Variants in TIAM2 observed in about 807,000 individuals in gnomAD.
The protein encoded by TIAM2 is rho guanine nucleotide exchange factor TIAM2.
In TIAM2, 80 loss-of-function variants were observed where a neutral mutation model predicts 152.9. The observed-to-expected ratio is 0.52, with a 90% confidence interval of 0.44 to 0.63. The LOEUF is 0.63. Among genes scored for constraint, TIAM2 ranks in the 30% least tolerant of loss-of-function variants. TIAM2 has a pLI of 0.00. For missense variants in TIAM2, 1,965 were observed against 2,120.1 expected, an observed-to-expected ratio of 0.93 and a Z score of 1.44; for synonymous variants, 804 against 838.0, an observed-to-expected ratio of 0.96 and a Z score of 0.70.
chr6:155,030,260 A>C (rs553960443), intron 1 of TIAM2, among the ~76,000 whole-genome samples: 1 of 152,288 alleles, frequency 6.6e-6, no homozygotes, highest in Non-Finnish European at 1.5e-5. Flanking sequence ...AGAGTTGAAC[A>C]TCTTGGAAAG....
chr6:155,114,919 C>G (rs1037578222), intron 2 of TIAM2, among the ~76,000 whole-genome samples: 1 of 152,120 alleles, frequency 6.6e-6, no homozygotes, highest in Non-Finnish European at 1.5e-5. Flanking sequence ...CCTCCGCCTT[C>G]CAGGTTCACG....
At chr6:155,240,413 A>G in intron 15 of TIAM2, 117 bp from the exon 16 acceptor site, 3 of 1,114,632 alleles carry the variant, frequency 2.7e-6, no homozygotes, top group East Asian at 2.5e-5. Flanking sequence ...TGCCCTACAC[A>G]GAGGCCCCTC....
intron 2 of TIAM2, among the ~76,000 whole-genome samples, chr6:155,119,404 A>G (rs1779099931): frequency 6.6e-6 from 1 of 151,514 alleles, no homozygotes; most frequent in South Asian, 2.1e-4. Flanking sequence ...CAGTGATGCA[A>G]TCTCCACTCA....
intron 14 of TIAM2, among the ~76,000 whole-genome samples, chr6:155,210,910 G>C (rs545307039): frequency 6.6e-6 from 1 of 152,270 alleles, no homozygotes; most frequent in African/African-American, 2.4e-5. Context: ...CAGAGCTTAG[G>C]GGAGCATAGT....
chr6:155,242,497 GT>G (rs1262380446), intron 16 of TIAM2, among the ~76,000 whole-genome samples: 1 of 152,178 alleles, frequency 6.6e-6, no homozygotes, highest in Non-Finnish European at 1.5e-5. Context: ...GGTTTTTATG[GT>G]GAAAGCATCC....
intron 1 of TIAM2, among the ~76,000 whole-genome samples, chr6:155,066,585 G>A (rs79270467): frequency 0.027 from 4,074 of 152,244 alleles, 182 homozygotes; most frequent in Admixed American, 0.13. Context: ...TGTCTTTCCT[G>A]TTTGGCTCTG....
chr6:155,175,771 A>G (rs1430189830), intron 9 of TIAM2, among the ~76,000 whole-genome samples: 2 of 152,220 alleles, frequency 1.3e-5, no homozygotes, highest in East Asian at 1.9e-4. Flanking sequence ...TATGAATTAC[A>G]AAAGGACGTA....
chr6:155,154,515 C>T, intron 7 of TIAM2, among the ~76,000 whole-genome samples: 1 of 150,434 alleles, frequency 6.6e-6, no homozygotes, highest in East Asian at 2.0e-4. Flanking sequence ...CACCGCCATC[C>T]ACACGCCAGA....
chr6:155,027,024 A>G (rs1776617056), intron 1 of TIAM2, among the ~76,000 whole-genome samples: 1 of 151,990 alleles, frequency 6.6e-6, no homozygotes, highest in Non-Finnish European at 1.5e-5. Context: ...GTTCATTAGC[A>G]AACTATTAAA....
At chr6:155,162,334 A>G (rs1436916365) in intron 7 of TIAM2, among the ~76,000 whole-genome samples, 1 of 152,244 alleles carries the variant, frequency 6.6e-6, no homozygotes, top group Non-Finnish European at 1.5e-5. Context: ...ACTGTTTTAC[A>G]GTGAGGCATA....
At chr6:155,137,034 G>A (rs1190980829) in intron 4 of TIAM2, 143 bp from the exon 5 acceptor site, 1 of 868,172 alleles carries the variant, frequency 1.2e-6, no homozygotes, top group Non-Finnish European at 1.7e-6. Flanking sequence ...AAGACTTGAT[G>A]GTTAAAGATG....
chr6:155,046,197 C>T (rs900324985), intron 1 of TIAM2, among the ~76,000 whole-genome samples: 14 of 152,106 alleles, frequency 9.2e-5, no homozygotes, highest in Non-Finnish European at 1.8e-4. Flanking sequence ...AGGATTCCCT[C>T]GAACTTTCTG....
chr6:154,999,479 T>C (rs1485709632), intron 1 of TIAM2, among the ~76,000 whole-genome samples: 1 of 152,098 alleles, frequency 6.6e-6, no homozygotes, highest in East Asian at 1.9e-4. Flanking sequence ...AGTGCTGGGA[T>C]TACAGGCGTG....
intron 1 of TIAM2, among the ~76,000 whole-genome samples, chr6:155,007,470 C>T (rs1407239490): frequency 1.2e-4 from 18 of 151,556 alleles, no homozygotes; most frequent in Admixed American, 3.3e-4. Flanking sequence ...CTGCAAGCTC[C>T]GCCTCCCGGG....
chr6:155,061,213 C>T (rs1289587449), intron 1 of TIAM2, among the ~76,000 whole-genome samples: 1 of 152,158 alleles, frequency 6.6e-6, no homozygotes, highest in Non-Finnish European at 1.5e-5. Flanking sequence ...GTGTGTCTAT[C>T]TCTCAATCAA....
chr6:155,099,206 A>G (rs534411064), intron 2 of TIAM2, among the ~76,000 whole-genome samples: 79 of 98,774 alleles, frequency 8.0e-4, no homozygotes, highest in Non-Finnish European at 1.4e-3. Context: ...TCTCATCTAT[A>G]TGTGTATATA....
At chr6:155,147,269 T>C (rs886873810) in intron 6 of TIAM2, among the ~76,000 whole-genome samples, 7 of 151,890 alleles carry the variant, frequency 4.6e-5, no homozygotes, top group Admixed American at 2.0e-4. Context: ...TTACTCATTC[T>C]GTTAAAATTC....
intron 1 of TIAM2, among the ~76,000 whole-genome samples, chr6:155,040,512 C>CT (rs956962831): frequency 8.2e-4 from 124 of 151,566 alleles, no homozygotes; most frequent in East Asian, 3.3e-3. Flanking sequence ...GAGCACAATT[C>CT]TTTTTTTTTG....
At chr6:155,175,527 T>G (rs1317895804) in intron 9 of TIAM2, among the ~76,000 whole-genome samples, 1 of 152,208 alleles carries the variant, frequency 6.6e-6, no homozygotes, top group African/African-American at 2.4e-5. Context: ...TCACAAAAAC[T>G]TAAGTAACAA....
Sources: allele counts gnomAD v4.1 joint callset (sites outside exome capture counted in the v4.1 genomes callset), GRCh38; gene constraint gnomAD v4.1.1; transcripts MANE v1.5; gene names NCBI Gene and HGNC (gene_info 2026-07-23, HGNC 2026-07-21).